The following CWC27 variants were observed in gnomAD, a reference collection of about 807,000 sequenced individuals.
CWC27 encodes spliceosome-associated protein CWC27 homolog.
Under a neutral mutation model 63.6 loss-of-function variants are expected in CWC27, and 47 were observed. The observed-to-expected ratio is 0.74, with a 90% confidence interval of 0.58 to 0.94. The LOEUF (loss-of-function observed/expected upper bound fraction) is 0.94, where lower values mean the gene tolerates loss of function less well. Ranked by LOEUF, CWC27 falls within the 40% of genes least tolerant of loss-of-function variation. The probability of loss-of-function intolerance (pLI) is 0.00; values close to 1 mark genes in which losing one functional copy is unlikely to be tolerated. For missense variants in CWC27, 495 were observed against 554.3 expected (o/e 0.89, Z 1.07); for synonymous variants, 175 against 179.8 (o/e 0.97, Z 0.22).
intron 10 of CWC27, among the ~76,000 whole-genome samples, chr5:64,827,193 T>A (rs1469042940): frequency 6.6e-6 from 1 of 152,138 alleles, no homozygotes; most frequent in Non-Finnish European, 1.5e-5. Context: ...ATTGTAAACT[T>A]CTCTAATGAG....
intron 13 of CWC27, among the ~76,000 whole-genome samples, chr5:65,014,928 T>TG (rs1750025013): frequency 6.6e-6 from 1 of 152,242 alleles, no homozygotes; most frequent in Non-Finnish European, 1.5e-5. Context: ...ATTATGATAT[T>TG]AAAGCTGAAG....
chr5:64,996,746 T>C (rs1488228576), intron 13 of CWC27, among the ~76,000 whole-genome samples: 1 of 152,124 alleles, frequency 6.6e-6, no homozygotes, highest in African/African-American at 2.4e-5. Flanking sequence ...GTATTGCTTA[T>C]ATGTAATATC....
chr5:64,909,645 T>G (rs1747742367), intron 11 of CWC27, among the ~76,000 whole-genome samples: 1 of 152,200 alleles, frequency 6.6e-6, no homozygotes, highest in Non-Finnish European at 1.5e-5. Flanking sequence ...TTTTTACTTT[T>G]TTTTCTGTAA....
At chr5:64,998,354 G>A (rs1330778833) in intron 13 of CWC27, among the ~76,000 whole-genome samples, 1 of 152,028 alleles carries the variant, frequency 6.6e-6, no homozygotes, top group Non-Finnish European at 1.5e-5. Flanking sequence ...TGAAACCCCA[G>A]GGCAGGTGTA....
intron 13 of CWC27, among the ~76,000 whole-genome samples, chr5:64,983,705 A>T (rs1193939431): frequency 6.6e-6 from 1 of 152,264 alleles, no homozygotes; most frequent in African/African-American, 2.4e-5. Flanking sequence ...TTGTTTCCTC[A>T]TCAACCCTTT....
chr5:64,805,744 G>C (rs1478134160), intron 10 of CWC27, among the ~76,000 whole-genome samples: 1 of 151,902 alleles, frequency 6.6e-6, no homozygotes, highest in African/African-American at 2.4e-5. Flanking sequence ...ATTTAGCAAT[G>C]CTAAATTTTG....
chr5:64,797,143 C>T (rs1338436834), intron 7 of CWC27, among the ~76,000 whole-genome samples: 1 of 151,974 alleles, frequency 6.6e-6, no homozygotes, highest in Non-Finnish European at 1.5e-5. Flanking sequence ...ACTGAATTCA[C>T]TAAATATATT....
intron 11 of CWC27, among the ~76,000 whole-genome samples, chr5:64,966,166 T>C (rs1409182022): frequency 7.2e-5 from 11 of 152,030 alleles, no homozygotes; most frequent in African/African-American, 2.7e-4. Context: ...ACTTTTAGAA[T>C]GTGTATAGCT....
chr5:64,807,799 T>G (rs1744740969), intron 10 of CWC27: 1 of 1,535,188 alleles, frequency 6.5e-7, no homozygotes, highest in Non-Finnish European at 8.7e-7. Flanking sequence ...TGTTTTTTTA[T>G]GAAATGAGAG....
intron 10 of CWC27, among the ~76,000 whole-genome samples, chr5:64,828,260 T>C (rs2367114): frequency 0.35 from 53,555 of 151,950 alleles, 9,889 homozygotes; most frequent in East Asian, 0.51. Context: ...TATTAAGTAG[T>C]ACTTAATCCT....
intron 11 of CWC27, among the ~76,000 whole-genome samples, chr5:64,944,648 C>T (rs1748553214): frequency 1.3e-5 from 2 of 152,030 alleles, no homozygotes; most frequent in Non-Finnish European, 2.9e-5. Flanking sequence ...TTTTTGTTCC[C>T]CTTTCTTTTC....
intron 11 of CWC27, among the ~76,000 whole-genome samples, chr5:64,904,129 T>C (rs1747570079): frequency 6.6e-6 from 1 of 152,208 alleles, no homozygotes; most frequent in South Asian, 2.1e-4. Context: ...CTCCAAGTTT[T>C]CATTAACAAA....
rs141662558 is a variant in CWC27, at chr5:64,909,553, C to T, written c.1042+24007C>T. 1.5e-3 allele frequency among the ~76,000 whole-genome samples: 221 copies of T among 152,286 alleles called. 1 individual carries two copies. Among genetic ancestry groups the T allele is most frequent in the African/African-American group, 4.9e-3 (204 of 41,552 alleles). On this transcript the variant is annotated intron_variant, in intron 11 of 13. Transcript: ENST00000381070. ...GTTTTCCAACTTGGATCCATTCTCC[C>T]GTCACTTTCAGGTACACCAATCAAA... is the stretch of plus-strand genomic sequence containing the variant.
At chr5:64,949,486 C>T (rs1018368945) in intron 11 of CWC27, among the ~76,000 whole-genome samples, 1 of 152,066 alleles carries the variant, frequency 6.6e-6, no homozygotes, top group East Asian at 1.9e-4. Flanking sequence ...TGTTGCTAAT[C>T]TCAAATCCTG....
At chr5:64,928,464 G>A (rs1368057404) in intron 11 of CWC27, among the ~76,000 whole-genome samples, 2 of 152,032 alleles carry the variant, frequency 1.3e-5, no homozygotes, top group Non-Finnish European at 2.9e-5. Context: ...ATAAACTTAG[G>A]GGAAAAGTCA....
intron 13 of CWC27, among the ~76,000 whole-genome samples, chr5:65,005,801 T>G (rs1247812929): frequency 6.6e-6 from 1 of 152,194 alleles, no homozygotes; most frequent in East Asian, 1.9e-4. Context: ...TAAATATTCA[T>G]AAGGCTTTTC....
At chr5:64,906,148 A>G (rs1355443530) in intron 11 of CWC27, among the ~76,000 whole-genome samples, 6 of 152,174 alleles carry the variant, frequency 3.9e-5, no homozygotes, top group African/African-American at 1.4e-4. Flanking sequence ...ATACGTGTGC[A>G]TGTGTCTTTA....
chr5:64,873,440 A>G (rs1247798028), intron 10 of CWC27, among the ~76,000 whole-genome samples: 3 of 152,122 alleles, frequency 2.0e-5, no homozygotes, highest in African/African-American at 7.2e-5. Context: ...AAAGTATTAT[A>G]GCAATAGACC....
chr5:64,960,148 C>T (rs548677730), intron 11 of CWC27, among the ~76,000 whole-genome samples: 80 of 151,316 alleles, frequency 5.3e-4, no homozygotes, highest in Non-Finnish European at 9.6e-4. Context: ...TTTATTTCAT[C>T]GGGATATACC....
Sources: allele counts gnomAD v4.1 joint callset (sites outside exome capture counted in the v4.1 genomes callset), GRCh38; gene constraint gnomAD v4.1.1; transcripts MANE v1.5; gene names NCBI Gene and HGNC (gene_info 2026-07-23, HGNC 2026-07-21).